RNF150: variants seen among roughly 807,000 people sequenced by gnomAD.
RNF150 encodes the protein ring finger protein 150.
Under a neutral mutation model 39.3 loss-of-function variants are expected in RNF150, and 24 were observed. That is an observed-to-expected ratio of 0.61 (90% CI 0.44 to 0.86). The LOEUF (loss-of-function observed/expected upper bound fraction) is 0.86, where lower values mean the gene tolerates loss of function less well. Among genes scored for constraint, RNF150 ranks in the 40% least tolerant of loss-of-function variants. The pLI, the probability that RNF150 is intolerant of heterozygous loss-of-function variation, is 0.00. For synonymous variants in RNF150, 255 were observed against 227.3 expected, an observed-to-expected ratio of 1.12 and a Z score of -1.10; for missense variants, 502 against 587.8, an observed-to-expected ratio of 0.85 and a Z score of 1.51.
chr4:141,159,478 T>C (rs564481633), intron 1 of RNF150, among the ~76,000 whole-genome samples: 3 of 152,144 alleles, frequency 2.0e-5, no homozygotes, highest in Non-Finnish European at 4.4e-5. Context: ...CAGACAAGAT[T>C]TGGGCTGTGG....
intron 1 of RNF150, among the ~76,000 whole-genome samples, chr4:141,011,968 A>G (rs1735091055): frequency 6.6e-6 from 1 of 152,266 alleles, no homozygotes; most frequent in South Asian, 2.1e-4. Context: ...AACACTCTTG[A>G]TATTAAACTG....
At chr4:141,030,266 C>A (rs1735885736) in intron 1 of RNF150, among the ~76,000 whole-genome samples, 1 of 127,878 alleles carries the variant, frequency 7.8e-6, no homozygotes. Context: ...ACCTCATACC[C>A]ATTATAATGG....
At chr4:141,055,830 C>A (rs1185475862) in intron 1 of RNF150, among the ~76,000 whole-genome samples, 1 of 152,110 alleles carries the variant, frequency 6.6e-6, no homozygotes, top group African/African-American at 2.4e-5. Context: ...GAAAATCCAG[C>A]TATACAGGAA....
At chr4:141,101,622 T>G (rs551208367) in intron 1 of RNF150, among the ~76,000 whole-genome samples, 1 of 152,366 alleles carries the variant, frequency 6.6e-6, no homozygotes, top group South Asian at 2.1e-4. Context: ...TTATGTACTG[T>G]ACATAATTGT....
At chr4:141,182,030 A>T (rs1727917060) in intron 1 of RNF150, among the ~76,000 whole-genome samples, 2 of 152,212 alleles carry the variant, frequency 1.3e-5, no homozygotes, top group Admixed American at 1.3e-4. Context: ...TAGATGGACT[A>T]ACATGAGCTT....
At chr4:140,892,684 T>C (rs1002981286) in intron 6 of RNF150, among the ~76,000 whole-genome samples, 2 of 134,526 alleles carry the variant, frequency 1.5e-5, no homozygotes, top group South Asian at 4.2e-4. Context: ...TCCTTCCCCC[T>C]GGGGAGGGAT....
Position 141,117,248 on chromosome 4 carries a change from G to A in RNF150, c.484+15077C>T, listed in dbSNP as rs150868090. ...AATAATTTATAACTTACACTAAGAAGTGTTTCTTGTGCAACACAAAGAATT... is the reference window on the plus strand; with the variant it reads ...AATAATTTATAACTTACACTAAGAAATGTTTCTTGTGCAACACAAAGAATT... On this transcript the variant is annotated intron_variant, in intron 1 of 6. Coordinates refer to ENST00000515673, the MANE Select transcript of RNF150 (RefSeq NM_020724.2). Among the ~76,000 whole-genome samples the A allele has an allele frequency of 3.1e-3, 465 of 152,280 alleles. 1 individual carries two copies. Among genetic ancestry groups the A allele is most frequent in the African/African-American group, 9.9e-3 (412 of 41,558 alleles).
At chr4:141,072,551 G>T (rs937511061) in intron 1 of RNF150, among the ~76,000 whole-genome samples, 6 of 152,144 alleles carry the variant, frequency 3.9e-5, no homozygotes, top group African/African-American at 1.4e-4. Context: ...CATTCTAATT[G>T]TATAGTAGCA....
chr4:141,161,337 T>C (rs1390077434), intron 1 of RNF150, among the ~76,000 whole-genome samples: 1 of 152,162 alleles, frequency 6.6e-6, no homozygotes, highest in South Asian at 2.1e-4. Context: ...AGCAGCAAAG[T>C]GTTCAAGATG....
intron 6 of RNF150, among the ~76,000 whole-genome samples, chr4:140,869,683 A>G (rs1027528929): frequency 2.0e-5 from 3 of 152,346 alleles, no homozygotes; most frequent in African/African-American, 2.4e-5. Context: ...ACTGGGTGCA[A>G]TGTCTAAACT....
chr4:141,031,215 A>T (rs531789607), intron 1 of RNF150, among the ~76,000 whole-genome samples: 1 of 152,100 alleles, frequency 6.6e-6, no homozygotes, highest in South Asian at 2.1e-4. Context: ...CAAGCAGAAG[A>T]ATGAAACTAG....
chr4:141,168,560 A>G (rs1727641755), intron 1 of RNF150, among the ~76,000 whole-genome samples: 1 of 152,242 alleles, frequency 6.6e-6, no homozygotes, highest in African/African-American at 2.4e-5. Context: ...CCCATCAGTA[A>G]TAGACTGGAT....
chr4:141,114,291 G>C (rs1167344748), intron 1 of RNF150, among the ~76,000 whole-genome samples: 1 of 151,924 alleles, frequency 6.6e-6, no homozygotes, highest in East Asian at 1.9e-4. Flanking sequence ...AAAGAGAGAA[G>C]TATCAAATGG....
At chr4:141,093,607 C>T (rs1738675122) in intron 1 of RNF150, among the ~76,000 whole-genome samples, 2 of 152,090 alleles carry the variant, frequency 1.3e-5, no homozygotes, top group Non-Finnish European at 2.9e-5. Flanking sequence ...CCCATAACAC[C>T]TCACTCCCCA....
chr4:140,892,857 T>C lies in RNF150; in HGVS notation c.1198+18287A>G, dbSNP rs117790149. Among the ~76,000 whole-genome samples, 150 of 152,044 alleles carry C rather than the reference T, an allele frequency of 9.9e-4. 1 individual carries two copies. In the East Asian group the frequency reaches 0.021, roughly 22 times the overall value. ...AGGAGGATCGCTTGAGGCCAGGAGTTTGGGACCAGCCTGGGCAACATAGTG... is the reference window on the plus strand; with the variant it reads ...AGGAGGATCGCTTGAGGCCAGGAGTCTGGGACCAGCCTGGGCAACATAGTG... On this transcript the variant is annotated intron_variant, in intron 6 of 6. Coordinates refer to ENST00000515673, the MANE Select transcript of RNF150 (RefSeq NM_020724.2).
intron 1 of RNF150, among the ~76,000 whole-genome samples, chr4:141,126,594 A>T (rs1004672553): frequency 6.6e-6 from 1 of 152,148 alleles, no homozygotes; most frequent in African/African-American, 2.4e-5. Context: ...GCCAGATGGT[A>T]AAAAGTGATG....
intron 1 of RNF150, among the ~76,000 whole-genome samples, chr4:141,179,439 T>C (rs1727867705): frequency 6.6e-6 from 1 of 152,262 alleles, no homozygotes. Context: ...ATAAATATTC[T>C]GTATTCTTTT....
At chr4:140,926,418 G>T (rs1238939759) in intron 4 of RNF150, among the ~76,000 whole-genome samples, 2 of 152,226 alleles carry the variant, frequency 1.3e-5, no homozygotes, top group Non-Finnish European at 2.9e-5. Flanking sequence ...CTTGTAGGAT[G>T]ACTTGATTGA....
At chr4:141,037,434 T>G (rs1736187503) in intron 1 of RNF150, among the ~76,000 whole-genome samples, 1 of 152,168 alleles carries the variant, frequency 6.6e-6, no homozygotes, top group African/African-American at 2.4e-5. Flanking sequence ...TTAAGAAAAT[T>G]TGGAAGAAGA....
Sources: allele counts gnomAD v4.1 joint callset (sites outside exome capture counted in the v4.1 genomes callset), GRCh38; gene constraint gnomAD v4.1.1; transcripts MANE v1.5; gene names NCBI Gene and HGNC (gene_info 2026-07-23, HGNC 2026-07-21).